The following MAGI2 variants were observed in gnomAD, a reference collection of about 807,000 sequenced individuals.
MAGI2 encodes membrane-associated guanylate kinase, WW and PDZ domain-containing protein 2.
MAGI2 carries 35 observed loss-of-function variants against 133.3 expected under a neutral mutation model. The ratio of observed to expected loss-of-function variants is 0.26; its 90% CI spans 0.20 to 0.35. The LOEUF (loss-of-function observed/expected upper bound fraction) is 0.35. MAGI2 is among the 10% of genes least tolerant of loss of function. The pLI, the probability that MAGI2 is intolerant of heterozygous loss-of-function variation, is 1.00. For synonymous variants in MAGI2, 729 were observed against 710.6 expected, an observed-to-expected ratio of 1.03 and a Z score of -0.41; for missense variants, 1,636 against 1,863.4, an observed-to-expected ratio of 0.88 and a Z score of 2.25.
chr7:78,606,908 T>C (rs1398150407), intron 3 of MAGI2, among the ~76,000 whole-genome samples: 2 of 152,178 alleles, frequency 1.3e-5, no homozygotes, highest in Non-Finnish European at 2.9e-5. Context: ...AAAAAAGACC[T>C]CCCAATTTCT....
At chr7:79,131,862 A>T (rs985310614) in intron 1 of MAGI2, among the ~76,000 whole-genome samples, 2 of 152,150 alleles carry the variant, frequency 1.3e-5, no homozygotes, top group Admixed American at 1.3e-4. Flanking sequence ...AATTTGAATG[A>T]TAGCCGTACC....
chr7:78,707,067 A>C (rs1296511753), intron 2 of MAGI2, among the ~76,000 whole-genome samples: 1 of 151,968 alleles, frequency 6.6e-6, no homozygotes, highest in African/African-American at 2.4e-5. Flanking sequence ...CAACTACTAA[A>C]ACCCCCACCT....
intron 1 of MAGI2, among the ~76,000 whole-genome samples, chr7:79,389,868 T>C (rs1844470429): frequency 1.3e-5 from 2 of 152,042 alleles, no homozygotes; most frequent in South Asian, 4.1e-4. Flanking sequence ...TCCAATAGCT[T>C]AGAGAAGTTG....
chr7:78,785,251 T>A (rs566513250), intron 2 of MAGI2, among the ~76,000 whole-genome samples: 1 of 152,332 alleles, frequency 6.6e-6, no homozygotes, highest in Non-Finnish European at 1.5e-5. Context: ...CTTTTAATTT[T>A]GTTCTGCTTC....
At chr7:78,534,528 A>T (rs1797723962) in intron 3 of MAGI2, among the ~76,000 whole-genome samples, 1 of 152,244 alleles carries the variant, frequency 6.6e-6, no homozygotes, top group South Asian at 2.1e-4. Context: ...ATCTAAAATT[A>T]GCAACATTTC....
chr7:79,270,877 T>C (rs986877711), intron 1 of MAGI2, among the ~76,000 whole-genome samples: 3 of 152,158 alleles, frequency 2.0e-5, no homozygotes, highest in Non-Finnish European at 4.4e-5. Context: ...TTCCCTGTTA[T>C]TTCAGCTACA....
intron 2 of MAGI2, among the ~76,000 whole-genome samples, chr7:78,761,967 A>G (rs2151301292): frequency 6.6e-6 from 1 of 152,206 alleles, no homozygotes; most frequent in Non-Finnish European, 1.5e-5. Flanking sequence ...TTGGGCAAAA[A>G]ATACTGACAT....
intron 1 of MAGI2, among the ~76,000 whole-genome samples, chr7:79,252,887 C>T (rs1833417606): frequency 6.6e-6 from 1 of 152,170 alleles, no homozygotes; most frequent in Non-Finnish European, 1.5e-5. Flanking sequence ...AGCACTGGGG[C>T]AGTTTCTACT....
chr7:79,330,416 T>C (rs946343721), intron 1 of MAGI2, among the ~76,000 whole-genome samples: 1 of 151,738 alleles, frequency 6.6e-6, no homozygotes, highest in African/African-American at 2.4e-5. Context: ...AGGATGGTCT[T>C]GATCTCCTGA....
intron 3 of MAGI2, among the ~76,000 whole-genome samples, chr7:78,592,278 G>A (rs888593308): frequency 6.6e-6 from 1 of 152,002 alleles, no homozygotes; most frequent in East Asian, 1.9e-4. Flanking sequence ...ATTTCAGAGC[G>A]CCAGGACCAG....
At chr7:78,713,065 T>A (rs1378781084) in intron 2 of MAGI2, among the ~76,000 whole-genome samples, 1 of 150,808 alleles carries the variant, frequency 6.6e-6, no homozygotes, top group Non-Finnish European at 1.5e-5. Context: ...TACTTAATAT[T>A]TTTTCCCCAA....
At chr7:79,131,636 T>C (rs1036857867) in intron 1 of MAGI2, among the ~76,000 whole-genome samples, 1 of 152,216 alleles carries the variant, frequency 6.6e-6, no homozygotes, top group African/African-American at 2.4e-5. Flanking sequence ...CTAAATTTGA[T>C]GTTGTTTTCA....
chr7:78,745,776 A>G (rs923393861), intron 2 of MAGI2, among the ~76,000 whole-genome samples: 1 of 152,184 alleles, frequency 6.6e-6, no homozygotes, highest in Non-Finnish European at 1.5e-5. Flanking sequence ...AAGTGAATAC[A>G]ACATTACTGG....
intron 9 of MAGI2, among the ~76,000 whole-genome samples, chr7:78,328,529 A>ACACACACACACACACACACACAC (rs1408831333): frequency 7.0e-4 from 70 of 99,868 alleles, no homozygotes; most frequent in African/African-American, 2.4e-3. Flanking sequence ...ACACACACAC[A>ACACACACACACACACACACACAC]CCCCTCTCTC....
chr7:78,304,633 C>T (rs530428340), intron 9 of MAGI2, among the ~76,000 whole-genome samples: 17 of 152,268 alleles, frequency 1.1e-4, no homozygotes, highest in Non-Finnish European at 2.4e-4. Flanking sequence ...TTTCATGGTG[C>T]TTACTTTCCA....
intron 2 of MAGI2, among the ~76,000 whole-genome samples, chr7:78,670,492 C>G (rs1451923722): frequency 6.6e-6 from 1 of 152,214 alleles, no homozygotes; most frequent in Non-Finnish European, 1.5e-5. Context: ...AATGGCCATA[C>G]TGCCCAAGGT....
At chr7:78,638,085 A>AAAAGG (rs1375233051) in intron 2 of MAGI2, among the ~76,000 whole-genome samples, 1 of 151,814 alleles carries the variant, frequency 6.6e-6, no homozygotes, top group East Asian at 1.9e-4. Flanking sequence ...AAAAGAAAAG[A>AAAAGG]AAAGAAAAAA....
chr7:78,734,057 C>A (rs1210518404), intron 2 of MAGI2, among the ~76,000 whole-genome samples: 1 of 152,100 alleles, frequency 6.6e-6, no homozygotes, highest in Non-Finnish European at 1.5e-5. Context: ...TTCCTCATAT[C>A]ATCTAAGAAC....
At chr7:79,390,968 G>A (rs1844557275) in intron 1 of MAGI2, among the ~76,000 whole-genome samples, 1 of 152,144 alleles carries the variant, frequency 6.6e-6, no homozygotes, top group Admixed American at 6.5e-5. Context: ...CCAATTCATA[G>A]TATCCTAAAT....
Sources: allele counts gnomAD v4.1 joint callset (sites outside exome capture counted in the v4.1 genomes callset), GRCh38; gene constraint gnomAD v4.1.1; transcripts MANE v1.5; gene names NCBI Gene and HGNC (gene_info 2026-07-23, HGNC 2026-07-21).